The following ST18 variants were observed in gnomAD, a reference collection of about 807,000 sequenced individuals.
The protein encoded by ST18 is suppression of tumorigenicity 18 protein.
A neutral mutation model predicts 110.0 loss-of-function variants in ST18; 50 were observed. The observed-to-expected ratio is 0.45, with a 90% CI of 0.36 to 0.58. ST18 has a LOEUF of 0.58. Ranked by LOEUF, ST18 falls within the 20% of genes least tolerant of loss-of-function variation. ST18 has a pLI of 0.00. For synonymous variants in ST18, 461 were observed against 452.4 expected (o/e 1.02, Z -0.24); for missense variants, 1,306 against 1,280.1 (o/e 1.02, Z -0.31).
At position 52,165,179 on chromosome 8, in the gene ST18, G is replaced by A. The variant is rs542642883; in HGVS notation, c.1251C>T (p.Cys417=). Residue 417 remains cysteine (C), a synonymous_variant, in exon 12 of 26, where the codon TGC becomes TGT. Coordinates refer to ENST00000689386, the MANE Select transcript of ST18 (RefSeq NM_001352837.2). Reference sequence around the variant, plus strand: ...TGCTGTTCACATGACCCCTTCCTGTGCATCCCGGCGTGGGACACTTGAGCA... The same window carrying A: ...TGCTGTTCACATGACCCCTTCCTGTACATCCCGGCGTGGGACACTTGAGCA... ...ENVLKCPTPG[C]TGRGHVNSNR... is the part of the protein sequence containing the mutation. The A allele has an allele frequency of 3.9e-5, 63 of 1,614,158 alleles. 1 individual carries two copies. The South Asian group carries it at 6.1e-4, about 16-fold the overall frequency.
intron 8 of ST18, among the ~76,000 whole-genome samples, chr8:52,202,577 C>G (rs1446070339): frequency 1.3e-5 from 2 of 151,988 alleles, no homozygotes; most frequent in Non-Finnish European, 1.5e-5. Context: ...TTGAAACAGA[C>G]AAGTAAAGAA....
At chr8:52,325,704 T>G (rs911266625) in intron 2 of ST18, among the ~76,000 whole-genome samples, 3 of 152,198 alleles carry the variant, frequency 2.0e-5, no homozygotes, top group Non-Finnish European at 4.4e-5. Flanking sequence ...AAATTCTATG[T>G]TTTTAAAATT....
chr8:52,159,072 T>C lies in ST18; in HGVS notation c.1632A>G (p.Arg544=), dbSNP rs1287049949. ...GGGTGTGGGCGCCTGCACTAGGCAG[T>C]CGATTAGGAAATTTCACTGGATTTG... is the stretch of plus-strand genomic sequence containing the variant. ...HFPNPVKFPN[R]LPSAGAHTQS... is the part of the protein sequence containing the mutation. Residue 544 remains arginine, a synonymous_variant, in exon 15 of 26, where the codon CGA becomes CGG. Transcript: ENST00000689386. The C allele has an allele frequency of 3.7e-6, 6 of 1,613,982 alleles. No individual in the cohort carries two copies. Among genetic ancestry groups the C allele is most frequent in the Non-Finnish European group, 5.1e-6 (6 of 1,180,022 alleles).
intron 19 of ST18, among the ~76,000 whole-genome samples, chr8:52,134,503 G>T (rs1257398157): frequency 6.6e-6 from 1 of 152,066 alleles, no homozygotes; most frequent in Non-Finnish European, 1.5e-5. Context: ...ATAATCCAAA[G>T]AAAAATGTGT....
chr8:52,330,427 C>T (rs1389787742), intron 2 of ST18, among the ~76,000 whole-genome samples: 2 of 152,202 alleles, frequency 1.3e-5, no homozygotes, highest in African/African-American at 2.4e-5. Flanking sequence ...ACACCTCTTT[C>T]ATAAAAATTA....
At chr8:52,202,624 G>A (rs972519977) in intron 8 of ST18, among the ~76,000 whole-genome samples, 1 of 152,182 alleles carries the variant, frequency 6.6e-6, no homozygotes, top group East Asian at 1.9e-4. Flanking sequence ...ATCTTAGTCT[G>A]GGAGGTCATG....
chr8:52,111,695 G>C lies in ST18; in HGVS notation c.*1503C>G, dbSNP rs2040579174. 1 of 152,506 alleles carries C rather than the reference G, an allele frequency of 6.6e-6. No homozygotes were observed. Among genetic ancestry groups the C allele is most frequent in the Admixed American group, 6.5e-5 (1 of 15,280 alleles). 9.4% of individuals were successfully genotyped at this position (152,506 alleles called of 1,614,324 possible). ...TTTTGTTTATAGCACAGAAAATTAA[G>C]CCCACATGAAGTTCATGTGTACATT... On this transcript the variant is annotated 3_prime_UTR_variant, in exon 26 of 26. Coordinates refer to ENST00000689386, the MANE Select transcript of ST18 (RefSeq NM_001352837.2).
At chr8:52,218,392 T>A (rs1286753821) in intron 5 of ST18, among the ~76,000 whole-genome samples, 2 of 151,562 alleles carry the variant, frequency 1.3e-5, no homozygotes, top group African/African-American at 4.8e-5. Flanking sequence ...TTTTTTCTTT[T>A]TTTTTTTGAG....
In ST18 at chr8:52,158,902, G is replaced by C; in HGVS notation, c.1802C>G (p.Ala601Gly). The change falls in exon 15 of 26, where the codon GCC becomes GGC. Residue 601 changes from alanine to glycine, a missense_variant. By Grantham distance (60) the Ala-to-Gly change is moderately conservative. Transcript: ENST00000689386. ...ILSNKPQSLH[A>G]KGAEIEVDEN... ...CGGGCTCTTGGACTGGCCTACCTTG[G>C]CATGCAGACTCTGTGGCTTGTTGGA... The C allele has an allele frequency of 6.2e-7, 1 of 1,613,998 alleles. No individual in the cohort carries two copies. Among genetic ancestry groups the C allele is most frequent in the Non-Finnish European group, 8.5e-7 (1 of 1,179,888 alleles).
At chr8:52,308,700 G>A (rs1249972558) in intron 2 of ST18, among the ~76,000 whole-genome samples, 1 of 152,284 alleles carries the variant, frequency 6.6e-6, no homozygotes, top group South Asian at 2.1e-4. Context: ...GGGTTCTGAA[G>A]CTATCCTAGG....
At chr8:52,225,513 C>A (rs1160351131) in intron 3 of ST18, among the ~76,000 whole-genome samples, 2 of 152,166 alleles carry the variant, frequency 1.3e-5, no homozygotes, top group Non-Finnish European at 2.9e-5. Flanking sequence ...GCTGATGGGG[C>A]AGATTTGATG....
At chr8:52,370,065 G>A (rs1829697116) in intron 2 of ST18, among the ~76,000 whole-genome samples, 1 of 152,186 alleles carries the variant, frequency 6.6e-6, no homozygotes. Flanking sequence ...ACACCCACCA[G>A]GTTAGCTGTG....
At chr8:52,178,328 A>T (rs1269534461) in intron 9 of ST18, among the ~76,000 whole-genome samples, 1 of 152,062 alleles carries the variant, frequency 6.6e-6, no homozygotes, top group Middle Eastern at 3.2e-3. Context: ...AATTTTCATG[A>T]ATCAACAAAT....
chr8:52,165,054 T>C (rs552763076), intron 12 of ST18, 81 bp downstream of exon 12: 4 of 1,365,902 alleles, frequency 2.9e-6, no homozygotes, highest in South Asian at 1.2e-5. Context: ...TCATCACACA[T>C]TGGTAACCCA....
chr8:52,150,214 A>T (rs1262932671), intron 15 of ST18, among the ~76,000 whole-genome samples: 2 of 152,150 alleles, frequency 1.3e-5, no homozygotes, highest in Non-Finnish European at 2.9e-5. Context: ...TGTAAATAAG[A>T]TGCTCCAAAT....
At chr8:52,376,413 A>T (rs1832397837) in intron 2 of ST18, among the ~76,000 whole-genome samples, 1 of 152,040 alleles carries the variant, frequency 6.6e-6, no homozygotes, top group South Asian at 2.1e-4. Flanking sequence ...TGCTCAGCTG[A>T]TTCTCTGGCC....
rs1175267352 is a variant in ST18, at chr8:52,163,865, G to A, written c.1400+121C>T. The A allele has an allele frequency of 1.0e-5, 7 of 679,802 alleles. No individual in the cohort carries two copies. The East Asian group carries it at 1.3e-4, about 13-fold the overall frequency. The allele number at this position is 679,802 out of a possible 1,614,324, so 42.1% of individuals were successfully genotyped here. A position where few individuals can be genotyped will look rare whatever the true frequency, so the allele number is the denominator to read the frequency against. The stretch of plus-strand genomic sequence containing the variant: ...TCTAGTGGAGTGGGCTGCACACCCA[G>A]GTCTACTGGGGCTGAGAGGGGAGGT... On this transcript the variant is annotated intron_variant, in intron 13 of 25. Transcript: ENST00000689386.
chr8:52,197,889 GCA>G (rs57662247), intron 8 of ST18, among the ~76,000 whole-genome samples: 3,781 of 150,210 alleles, frequency 0.025, 137 homozygotes, highest in African/African-American at 0.079. Flanking sequence ...AACAAAATGA[GCA>G]CACACACACA....
In ST18 at chr8:52,146,187, C is replaced by T. The variant is rs147017412; in HGVS notation, c.2053-3142G>A. On this transcript the variant is annotated intron_variant, in intron 16 of 25. Coordinates refer to ENST00000689386, the MANE Select transcript of ST18 (RefSeq NM_001352837.2). Reference sequence around the variant, plus strand: ...AATGTGAACAATAGATTGTCTGGAACGCACATAGCTATTCCAGGGAAGCTC... The same window carrying T: ...AATGTGAACAATAGATTGTCTGGAATGCACATAGCTATTCCAGGGAAGCTC... Among the ~76,000 whole-genome samples the T allele has an allele frequency of 5.6e-3, 849 of 152,206 alleles. 8 individuals carry two copies. Among genetic ancestry groups the T allele is most frequent in the African/African-American group, 0.02 (826 of 41,514 alleles).
Sources: gnomAD v4.1 joint callset for allele counts (sites outside exome capture counted in the v4.1 genomes callset) on GRCh38, gnomAD v4.1.1 for gene constraint, MANE v1.5 for transcripts, NCBI Gene and HGNC (gene_info 2026-07-23, HGNC 2026-07-21) for gene names.